The following TCERG1L variants were observed in gnomAD, a reference collection of about 807,000 sequenced individuals.
TCERG1L encodes the protein transcription elongation regulator 1 like, also known as transcription elongation regulator 1-like protein.
TCERG1L carries 37 observed loss-of-function variants against 56.3 expected under a neutral mutation model. The ratio of observed to expected loss-of-function variants is 0.66; its 90% CI spans 0.51 to 0.87. The LOEUF (loss-of-function observed/expected upper bound fraction) is 0.87. Ranked by LOEUF, TCERG1L falls within the 40% of genes least tolerant of loss-of-function variation. TCERG1L has a pLI of 0.00. For missense variants in TCERG1L, 799 were observed against 774.2 expected, an observed-to-expected ratio of 1.03 and a Z score of -0.38; for synonymous variants, 324 against 326.3, an observed-to-expected ratio of 0.99 and a Z score of 0.08.
chr10:131,179,439 C>A (rs982518529), intron 4 of TCERG1L, among the ~76,000 whole-genome samples: 18 of 152,188 alleles, frequency 1.2e-4, no homozygotes, highest in African/African-American at 4.3e-4. Context: ...GGCACCACAT[C>A]CCACGTGAGG....
chr10:131,264,293 GGT>G (rs1466416925), intron 3 of TCERG1L, among the ~76,000 whole-genome samples: 1 of 152,220 alleles, frequency 6.6e-6, no homozygotes, highest in East Asian at 1.9e-4. Context: ...CCAGAGCACA[GGT>G]GCAGCAGTGC....
chr10:131,106,356 G>C (rs868228264), intron 9 of TCERG1L, among the ~76,000 whole-genome samples: 12 of 152,214 alleles, frequency 7.9e-5, no homozygotes, highest in Non-Finnish European at 4.4e-5. Flanking sequence ...ACCCAGCAAA[G>C]ACCCACAGCA....
At chr10:131,194,576 T>C (rs929466428) in intron 4 of TCERG1L, among the ~76,000 whole-genome samples, 1 of 152,226 alleles carries the variant, frequency 6.6e-6, no homozygotes, top group South Asian at 2.1e-4. Flanking sequence ...TAGTGGAGCT[T>C]CCAGGTTTTC....
chr10:131,098,632 C>T (rs1300607349), intron 10 of TCERG1L, among the ~76,000 whole-genome samples: 2 of 152,216 alleles, frequency 1.3e-5, no homozygotes, highest in African/African-American at 2.4e-5. Context: ...GCCCACACGG[C>T]CCGGCATTTC....
At chr10:131,174,984 T>C (rs1043225043) in intron 4 of TCERG1L, among the ~76,000 whole-genome samples, 3 of 94,576 alleles carry the variant, frequency 3.2e-5, no homozygotes, top group African/African-American at 8.0e-5. Context: ...ACCCCCGCAA[T>C]TGGTCTCTGT....
At chr10:131,170,870 G>A (rs1319199052) in intron 4 of TCERG1L, among the ~76,000 whole-genome samples, 7 of 152,126 alleles carry the variant, frequency 4.6e-5, no homozygotes, top group Admixed American at 2.0e-4. Flanking sequence ...TGTGGCGGCC[G>A]GGCGCCGTGG....
intron 7 of TCERG1L, among the ~76,000 whole-genome samples, chr10:131,138,172 G>A (rs767413486): frequency 3.3e-5 from 5 of 152,230 alleles, no homozygotes; most frequent in African/African-American, 4.8e-5. Context: ...AGGAGGCTGA[G>A]GCAGGAGAAT....
intron 4 of TCERG1L, among the ~76,000 whole-genome samples, chr10:131,237,332 C>G (rs1440834739): frequency 1.3e-5 from 2 of 152,116 alleles, no homozygotes; most frequent in Non-Finnish European, 2.9e-5. Context: ...TGGTCACTTT[C>G]CACCACACCA....
chr10:131,203,984 C>A (rs1463653342), intron 4 of TCERG1L, among the ~76,000 whole-genome samples: 1 of 152,140 alleles, frequency 6.6e-6, no homozygotes, highest in Non-Finnish European at 1.5e-5. Flanking sequence ...CCCAATAGGA[C>A]GATATGAAGA....
intron 3 of TCERG1L, among the ~76,000 whole-genome samples, chr10:131,266,144 G>A (rs1027061305): frequency 7.9e-5 from 12 of 152,142 alleles, no homozygotes; most frequent in African/African-American, 1.2e-4. Flanking sequence ...ATGTTCACTC[G>A]TAAGAAGTAA....
intron 4 of TCERG1L, among the ~76,000 whole-genome samples, chr10:131,193,175 A>G (rs934819504): frequency 6.6e-5 from 10 of 152,152 alleles, no homozygotes; most frequent in Admixed American, 2.0e-4. Context: ...ATATCTACGC[A>G]TGGCATTTAC....
chr10:131,207,074 C>T (rs1346037457), intron 4 of TCERG1L, among the ~76,000 whole-genome samples: 3 of 152,212 alleles, frequency 2.0e-5, no homozygotes, highest in South Asian at 2.1e-4. Context: ...TTTCAGCGAG[C>T]GTCGGAGTGG....
At chr10:131,278,594 C>T (rs968804935) in intron 3 of TCERG1L, among the ~76,000 whole-genome samples, 5 of 152,230 alleles carry the variant, frequency 3.3e-5, no homozygotes, top group South Asian at 2.1e-4. Context: ...CCACCCGCCT[C>T]GGCCTCCCAA....
intron 5 of TCERG1L, among the ~76,000 whole-genome samples, chr10:131,165,604 T>C (rs1197123136): frequency 6.6e-6 from 1 of 152,136 alleles, no homozygotes; most frequent in Non-Finnish European, 1.5e-5. Flanking sequence ...AGCAATCCAG[T>C]TAGAAAAACT....
chr10:131,260,415 T>C lies in TCERG1L; in HGVS notation c.700A>G (p.Ser234Gly). 2 of 1,461,706 alleles carry C rather than the reference T, an allele frequency of 1.4e-6. No homozygotes were observed. The highest frequency in any genetic ancestry group is 1.8e-4 in the Middle Eastern group (1 of 5,476). The allele number at this position is 1,461,706 out of a possible 1,614,324, so 90.5% of individuals were successfully genotyped here. Residue 234 changes from serine to glycine, a missense_variant, in exon 4 of 12, where the codon AGC becomes GGC. By Grantham distance (56) the Ser-to-Gly change is moderately conservative. Transcript: ENST00000368642. The surrounding 1 kb of genome is among the most constrained non-coding windows in gnomAD (Gnocchi z 5.8). ...GGCHNSLKVT[S>G]SPAIAIATAA... Reference sequence around the variant, plus strand: ...GTGGCGATGGCAATGGCGGGGCTGCTGGTCACCTTAAGGCTGTTATGGCAG... The same window carrying C: ...GTGGCGATGGCAATGGCGGGGCTGCCGGTCACCTTAAGGCTGTTATGGCAG...
chr10:131,092,601 G>A lies in TCERG1L; in HGVS notation c.*561C>T, dbSNP rs532152716. ...CGGGACGCCCCTCTGGGAGGAACGC[G>A]CGGCCACCCTTGGAAACCTGTAAGT... On this transcript the variant is annotated 3_prime_UTR_variant, in exon 12 of 12. Transcript: ENST00000368642. The A allele has an allele frequency of 8.5e-4, 129 of 152,654 alleles. 2 individuals are homozygous for A. The highest frequency in any genetic ancestry group is 3.5e-4 in the Non-Finnish European group (24 of 68,032). 9.5% of individuals were successfully genotyped at this position (152,654 alleles called of 1,614,324 possible).
intron 4 of TCERG1L, among the ~76,000 whole-genome samples, chr10:131,257,521 A>G (rs1045501508): frequency 6.6e-6 from 1 of 152,228 alleles, no homozygotes; most frequent in Non-Finnish European, 1.5e-5. Context: ...GTAGTGCCAC[A>G]TTAACTCTCC....
At chr10:131,264,432 A>G (rs1339193940) in intron 3 of TCERG1L, among the ~76,000 whole-genome samples, 3 of 152,232 alleles carry the variant, frequency 2.0e-5, no homozygotes, top group African/African-American at 7.2e-5. Context: ...CAGAGAAGCC[A>G]TACAGCTTGG....
intron 4 of TCERG1L, among the ~76,000 whole-genome samples, chr10:131,182,698 C>A (rs1398397912): frequency 6.6e-6 from 1 of 152,232 alleles, no homozygotes; most frequent in African/African-American, 2.4e-5. Context: ...AAGCTCATAT[C>A]AAGTCGGCTC....
Sources: gnomAD v4.1 joint callset for allele counts (sites outside exome capture counted in the v4.1 genomes callset) on GRCh38, gnomAD v4.1.1 for gene constraint, Gnocchi (gnomAD v3.1) non-coding constraint, MANE v1.5 for transcripts, NCBI Gene and HGNC (gene_info 2026-07-23, HGNC 2026-07-21) for gene names.